Variants in ALKBH8 observed in about 807,000 individuals in gnomAD.
ALKBH8 encodes alkB homolog 8, tRNA methyltransferase, also known as tRNA (carboxymethyluridine(34)-5-O)-methyltransferase ALKBH8.
Under a neutral mutation model 59.8 loss-of-function variants are expected in ALKBH8, and 36 were observed. The observed-to-expected ratio is 0.60, with a 90% CI of 0.46 to 0.79. ALKBH8 has a LOEUF of 0.79. Ranked by LOEUF, ALKBH8 falls within the 30% of genes least tolerant of loss-of-function variation. The pLI, the probability that ALKBH8 is intolerant of heterozygous loss-of-function variation, is 0.00. For missense variants in ALKBH8, 768 were observed against 801.0 expected, an observed-to-expected ratio of 0.96 and a Z score of 0.50; for synonymous variants, 276 against 273.6, an observed-to-expected ratio of 1.01 and a Z score of -0.09.
At chr11:107,521,986 A>T (rs1193451749) in intron 10 of ALKBH8, among the ~76,000 whole-genome samples, 1 of 152,070 alleles carries the variant, frequency 6.6e-6, no homozygotes, top group African/African-American at 2.4e-5. Context: ...ACTTAGGGGG[A>T]TCCAAGCCAA....
At chr11:107,565,444 A>T in intron 1 of ALKBH8, 157 bp downstream of exon 1, 1 of 960,344 alleles carries the variant, frequency 1.0e-6, no homozygotes, top group Non-Finnish European at 1.5e-6. Context: ...CAGACACCCT[A>T]CTGCCCACAC....
At position 107,504,864 on chromosome 11, in the gene ALKBH8, G is replaced by T; in HGVS notation, c.1789C>A (p.His597Asn). 6.4e-7 allele frequency: 1 copy of T among 1,551,772 alleles called. No homozygotes were observed. Among genetic ancestry groups the T allele is most frequent in the Non-Finnish European group, 8.7e-7 (1 of 1,146,970 alleles). Residue 597 changes from histidine (H) to asparagine (N), a missense_variant, in exon 12 of 12, where the codon CAC (histidine) becomes AAC (asparagine). By Grantham distance (68) the His-to-Asn change is moderately conservative (BLOSUM62 1). Transcript: ENST00000428149. The part of the protein sequence containing the change: ...FYSQDVLVPW[H>N]LKGNPDKGKP... Reference sequence around the variant, plus strand: ...CCTTTATCAGGATTTCCCTTAAGGTGCCAGGGAACCAGTACATCTTGAGAA... The same window carrying T: ...CCTTTATCAGGATTTCCCTTAAGGTTCCAGGGAACCAGTACATCTTGAGAA...
At chr11:107,517,632 A>T (rs1862920962) in intron 10 of ALKBH8, among the ~76,000 whole-genome samples, 1 of 152,220 alleles carries the variant, frequency 6.6e-6, no homozygotes, top group Non-Finnish European at 1.5e-5. Context: ...AACCTGGAGG[A>T]CATTAGGTTA....
chr11:107,546,723 A>G (rs1316513418), intron 7 of ALKBH8, among the ~76,000 whole-genome samples: 1 of 152,198 alleles, frequency 6.6e-6, no homozygotes, highest in East Asian at 1.9e-4. Flanking sequence ...TTATACACAT[A>G]TCATACATAT....
At chr11:107,528,367 C>CT (rs145177121) in intron 8 of ALKBH8, among the ~76,000 whole-genome samples, 10,366 of 152,028 alleles carry the variant, frequency 0.068, 516 homozygotes, top group Admixed American at 0.16. Flanking sequence ...GATTATTATA[C>CT]TTTAAGTTTT....
chr11:107,549,176 T>C (rs1223786016), intron 7 of ALKBH8, among the ~76,000 whole-genome samples: 1 of 152,172 alleles, frequency 6.6e-6, no homozygotes, highest in Non-Finnish European at 1.5e-5. Context: ...TATCCAAAAA[T>C]CTGCTTGTAG....
At chr11:107,507,538 C>A (rs545411854) in intron 11 of ALKBH8, among the ~76,000 whole-genome samples, 16 of 152,186 alleles carry the variant, frequency 1.1e-4, no homozygotes, top group African/African-American at 3.4e-4. Context: ...CTAATATTTT[C>A]TGAGCTCTTA....
At chr11:107,564,810 T>C (rs962461824) in intron 1 of ALKBH8, among the ~76,000 whole-genome samples, 7 of 152,218 alleles carry the variant, frequency 4.6e-5, no homozygotes, top group African/African-American at 1.4e-4. Context: ...CTCCATGAAG[T>C]AGAGATTTTG....
intron 7 of ALKBH8, among the ~76,000 whole-genome samples, chr11:107,532,778 C>T (rs1005545729): frequency 3.9e-5 from 6 of 152,230 alleles, no homozygotes; most frequent in Admixed American, 3.9e-4. Context: ...CCTGGCTCTT[C>T]CATTTATTAG....
intron 10 of ALKBH8, among the ~76,000 whole-genome samples, chr11:107,513,919 T>TA (rs565852138): frequency 1.3e-3 from 192 of 151,818 alleles, no homozygotes; most frequent in African/African-American, 4.5e-3. Flanking sequence ...GGTGTACAGA[T>TA]AAAAAAAACT....
intron 7 of ALKBH8, among the ~76,000 whole-genome samples, chr11:107,543,949 C>A (rs144175078): frequency 6.6e-6 from 1 of 152,236 alleles, no homozygotes; most frequent in African/African-American, 2.4e-5. Context: ...AAGACTTTGG[C>A]CCCGCAACAA....
intron 10 of ALKBH8, 145 bp from the exon 11 acceptor site, chr11:107,511,181 A>G: frequency 2.5e-6 from 2 of 809,500 alleles, no homozygotes; most frequent in South Asian, 3.7e-5. Flanking sequence ...ATCGGTTCTT[A>G]CAGCCAGTAT....
intron 7 of ALKBH8, among the ~76,000 whole-genome samples, chr11:107,534,498 T>G (rs1363138558): frequency 1.3e-5 from 2 of 152,200 alleles, no homozygotes; most frequent in East Asian, 3.8e-4. Context: ...ATATTGAACA[T>G]GTTTTACAAA....
intron 8 of ALKBH8, among the ~76,000 whole-genome samples, chr11:107,528,205 C>T (rs1863431240): frequency 6.6e-6 from 1 of 151,946 alleles, no homozygotes; most frequent in African/African-American, 2.4e-5. Context: ...ATTTGACTTT[C>T]GAATGTTCTG....
intron 10 of ALKBH8, among the ~76,000 whole-genome samples, chr11:107,512,876 C>A (rs1862698247): frequency 6.6e-6 from 1 of 152,154 alleles, no homozygotes; most frequent in Non-Finnish European, 1.5e-5. Flanking sequence ...TGAAACTGTA[C>A]ACCTTCTTTA....
At chr11:107,554,098 G>T in intron 3 of ALKBH8, 120 bp from the exon 4 acceptor site, 1 of 1,294,734 alleles carries the variant, frequency 7.7e-7, no homozygotes, top group Non-Finnish European at 1.1e-6. Context: ...TCGGAAACAA[G>T]ATTGCTGAAA....
chr11:107,555,251 C>T (rs187622106), intron 3 of ALKBH8, among the ~76,000 whole-genome samples: 1 of 152,062 alleles, frequency 6.6e-6, no homozygotes, highest in Non-Finnish European at 1.5e-5. Flanking sequence ...AAGAGCAGGA[C>T]TCTGTCTCAA....
At chr11:107,560,942 C>G (rs774477055) in intron 1 of ALKBH8, 43 bp from the exon 2 acceptor site, 1 of 1,522,072 alleles carries the variant, frequency 6.6e-7, no homozygotes, top group South Asian at 1.2e-5. Context: ...CTTAAGAGTC[C>G]TGAAGGAACA....
At position 107,504,967 on chromosome 11, in the gene ALKBH8, G is replaced by A; in HGVS notation, c.1686C>T (p.Asp562=). ...TTGAATTACATCCTCCTTCCTGAGA[G>A]TCATTAATGCGGGGGACAGAAGATG... ...DSASSVPRIN[D]SQEGGCNSRQ... The change falls in exon 12 of 12, where the codon GAC becomes GAT. Residue 562 remains aspartate, a synonymous_variant. Coordinates refer to ENST00000428149, the MANE Select transcript of ALKBH8 (RefSeq NM_138775.3). 1 of 1,551,824 alleles carries A rather than the reference G, an allele frequency of 6.4e-7. No individual in the cohort carries two copies. The highest frequency in any genetic ancestry group is 8.7e-7 in the Non-Finnish European group (1 of 1,146,906).
Sources: gnomAD v4.1 joint callset for allele counts (sites outside exome capture counted in the v4.1 genomes callset) on GRCh38, gnomAD v4.1.1 for gene constraint, MANE v1.5 for transcripts, NCBI Gene and HGNC (gene_info 2026-07-23, HGNC 2026-07-21) for gene names.